KLF8: variants seen among roughly 807,000 people sequenced by gnomAD.
The protein encoded by KLF8 is Krueppel-like factor 8.
Under a neutral mutation model 18.2 loss-of-function variants are expected in KLF8, and 10 were observed. The ratio of observed to expected loss-of-function variants is 0.55; its 90% CI spans 0.34 to 0.93. The LOEUF (loss-of-function observed/expected upper bound fraction) is 0.93. Among genes scored for constraint, KLF8 ranks in the 40% least tolerant of loss-of-function variants. The probability of loss-of-function intolerance (pLI) is 0.02; values close to 1 mark genes in which losing one functional copy is unlikely to be tolerated. For missense variants in KLF8, 264 were observed against 277.9 expected, an observed-to-expected ratio of 0.95 and a Z score of 0.36; for synonymous variants, 109 against 97.3, an observed-to-expected ratio of 1.12 and a Z score of -0.71.
At chrX:56,099,649 CA>C in the KLF8 span, among the ~76,000 whole-genome samples, 3 of 111,897 alleles carry the variant, frequency 2.7e-5, no homozygotes. Context: ...AACACACCAA[CA>C]CGAATGCAAA....
the KLF8 span, among the ~76,000 whole-genome samples, chrX:56,160,441 C>T: frequency 9.0e-6 from 1 of 111,023 alleles, no homozygotes; most frequent in African/African-American, 3.3e-5. Context: ...TCCTGGATAT[C>T]CTTGTTAACT....
the KLF8 span, among the ~76,000 whole-genome samples, chrX:55,946,713 G>A: frequency 9.0e-6 from 1 of 110,973 alleles, no homozygotes; most frequent in Non-Finnish European, 1.9e-5. Context: ...TACAAAATGG[G>A]AGAAAATTTT....
chrX:56,253,289 C>T (rs756654513), intron 2 of KLF8, among the ~76,000 whole-genome samples: 2 of 112,040 alleles, frequency 1.8e-5, no homozygotes, highest in Non-Finnish European at 1.9e-5. Flanking sequence ...TTTGCCCAGA[C>T]CAATGTCCTG....
chrX:56,017,475 C>T, the KLF8 span, among the ~76,000 whole-genome samples: 19 of 112,103 alleles, frequency 1.7e-4, no homozygotes, highest in South Asian at 3.7e-4. Flanking sequence ...AATAGTAGAA[C>T]GGGGAAGCGC....
At chrX:55,947,680 A>T in the KLF8 span, among the ~76,000 whole-genome samples, 10 of 111,429 alleles carry the variant, frequency 9.0e-5, no homozygotes, top group Non-Finnish European at 1.3e-4. Flanking sequence ...TGGGGATCAG[A>T]GCAGAATCAA....
At chrX:56,161,275 G>T in the KLF8 span, among the ~76,000 whole-genome samples, 1 of 111,350 alleles carries the variant, frequency 9.0e-6, no homozygotes, top group Non-Finnish European at 1.9e-5. Flanking sequence ...AGTCTGATGG[G>T]CTTCCCTTTG....
chrX:56,163,147 T>C, the KLF8 span, among the ~76,000 whole-genome samples: 1 of 112,033 alleles, frequency 8.9e-6, no homozygotes, highest in Non-Finnish European at 1.9e-5. Flanking sequence ...ATTTCTGTCT[T>C]TAGGTCTTTG....
the KLF8 span, among the ~76,000 whole-genome samples, chrX:55,948,975 A>G: frequency 5.4e-5 from 6 of 112,096 alleles, no homozygotes; most frequent in African/African-American, 1.9e-4. Flanking sequence ...TAGATCATCA[A>G]TGGAAAAGTC....
chrX:56,021,285 G>T, the KLF8 span, among the ~76,000 whole-genome samples: 1 of 111,621 alleles, frequency 9.0e-6, no homozygotes, highest in Non-Finnish European at 1.9e-5. Flanking sequence ...GCAGTGGTTT[G>T]TTCTTTTTTC....
the KLF8 span, among the ~76,000 whole-genome samples, chrX:55,912,842 G>A: frequency 1.8e-5 from 2 of 111,615 alleles, no homozygotes; most frequent in Non-Finnish European, 3.8e-5. Context: ...TGTATATAAT[G>A]TTCACAGCAG....
chrX:56,178,133 A>T, the KLF8 span, among the ~76,000 whole-genome samples: 6 of 111,882 alleles, frequency 5.4e-5, no homozygotes, highest in Non-Finnish European at 1.1e-4. Context: ...GACACTCCGC[A>T]GTGAGGTGAA....
chrX:56,014,817 G>GTTTTTTTTTTTTT, the KLF8 span: 1 of 59,370 alleles, frequency 1.7e-5, no homozygotes, highest in Non-Finnish European at 2.8e-5. Context: ...ACAAGATCAT[G>GTTTTTTTTTTTTT]TTTTTTTTTT....
At chrX:55,948,926 T>C in the KLF8 span, among the ~76,000 whole-genome samples, 2 of 112,425 alleles carry the variant, frequency 1.8e-5, no homozygotes, top group African/African-American at 6.5e-5. Context: ...TCTGTTATTC[T>C]AGCAATAATT....
At chrX:55,990,391 G>T in the KLF8 span, among the ~76,000 whole-genome samples, 1 of 112,004 alleles carries the variant, frequency 8.9e-6, no homozygotes, top group Admixed American at 9.5e-5. Flanking sequence ...TGAGATTCTG[G>T]TATGTTGTGT....
rs1374264128 is a variant in KLF8 at position 56,265,410 on chromosome X, A to G, written c.312A>G (p.Leu104=). 3.3e-6 allele frequency: 4 copies of G among 1,211,049 alleles called. No homozygotes were observed. The highest frequency in any genetic ancestry group is 1.8e-5 in the South Asian group (1 of 56,961). ...PKAPLQPASM[L]QAPIRPPKPQ... is the part of the protein sequence containing the mutation. ...CTCCTCTCCAGCCTGCTAGCATGCT[A>G]CAAGCTCCAATACGTCCCCCCAAGC... Residue 104 remains leucine (L), a synonymous_variant, in exon 3 of 6, where the codon CTA becomes CTG. Coordinates refer to ENST00000468660, the MANE Select transcript of KLF8 (RefSeq NM_007250.5).
the KLF8 span, among the ~76,000 whole-genome samples, chrX:55,992,542 T>A: frequency 9.0e-6 from 1 of 111,563 alleles, no homozygotes; most frequent in Admixed American, 9.5e-5. Flanking sequence ...GTGCCTCTGG[T>A]TTTGTTCTGT....
At chrX:55,919,351 C>T in the KLF8 span, among the ~76,000 whole-genome samples, 1 of 111,785 alleles carries the variant, frequency 8.9e-6, no homozygotes, top group Non-Finnish European at 1.9e-5. Flanking sequence ...CAGGAACACA[C>T]CAGGAAAGCC....
the KLF8 span, among the ~76,000 whole-genome samples, chrX:56,084,346 G>T: frequency 9.0e-6 from 1 of 111,032 alleles, no homozygotes; most frequent in Admixed American, 9.6e-5. Context: ...TCACATCACT[G>T]CACTCCAGCC....
chrX:56,097,606 G>T, the KLF8 span, among the ~76,000 whole-genome samples: 1 of 103,922 alleles, frequency 9.6e-6, no homozygotes, highest in Non-Finnish European at 2.0e-5. Context: ...CCATGCTGGT[G>T]TGCTGCACCC....
Sources: allele counts gnomAD v4.1 joint callset (sites outside exome capture counted in the v4.1 genomes callset), GRCh38; gene constraint gnomAD v4.1.1; transcripts MANE v1.5; gene names NCBI Gene and HGNC (gene_info 2026-07-23, HGNC 2026-07-21).